The following QSER1 variants were observed in gnomAD, a reference collection of about 807,000 sequenced individuals.
QSER1 encodes the protein glutamine and serine-rich protein 1.
QSER1 carries 49 observed loss-of-function variants against 158.5 expected under a neutral mutation model. The observed-to-expected ratio is 0.31, with a 90% CI of 0.25 to 0.39. The LOEUF (loss-of-function observed/expected upper bound fraction) is 0.39, where lower values mean the gene tolerates loss of function less well. QSER1 is among the 10% of genes least tolerant of loss of function. The pLI is 1.00. For missense variants in QSER1, 1,754 were observed against 2,010.3 expected, an observed-to-expected ratio of 0.87 and a Z score of 2.44; for synonymous variants, 650 against 715.5, an observed-to-expected ratio of 0.91 and a Z score of 1.46.
chr11:32,920,900 G>T (rs1014264985), intron 1 of QSER1, among the ~76,000 whole-genome samples: 3 of 152,156 alleles, frequency 2.0e-5, no homozygotes, highest in Non-Finnish European at 2.9e-5. Flanking sequence ...TTGCTGGTGG[G>T]AATGTAAAAT....
Position 32,979,249 on chromosome 11 carries a change from T to G in QSER1, c.*2775T>G, listed in dbSNP as rs1853031833. On this transcript the variant is annotated 3_prime_UTR_variant, in exon 13 of 13. Transcript: ENST00000650167. Reference sequence around the variant, plus strand: ...TTGAAATTTATACTATAGAAATAACTTTAGGTTTTAGGTAGAGTTAAAGAG... The same window carrying G: ...TTGAAATTTATACTATAGAAATAACGTTAGGTTTTAGGTAGAGTTAAAGAG... 1 of 152,606 alleles carries G rather than the reference T, an allele frequency of 6.6e-6. No homozygotes were observed. Among genetic ancestry groups the G allele is most frequent in the African/African-American group, 2.4e-5 (1 of 41,446 alleles). The allele number at this position is 152,606 out of a possible 1,614,324, so 9.5% of individuals were successfully genotyped here.
intron 9 of QSER1, among the ~76,000 whole-genome samples, chr11:32,968,278 G>GT (rs964209795): frequency 4.0e-5 from 6 of 151,538 alleles, no homozygotes; most frequent in South Asian, 2.1e-4. Flanking sequence ...CTGGGTTGTT[G>GT]TTTTTTTTCA....
At position 32,934,070 on chromosome 11, in the gene QSER1, C is replaced by A; in HGVS notation, c.2812C>A (p.Leu938Ile). The A allele has an allele frequency of 6.2e-7, 1 of 1,613,964 alleles. No homozygotes were observed. The highest frequency in any genetic ancestry group is 8.5e-7 in the Non-Finnish European group (1 of 1,179,974). Residue 938 changes from leucine to isoleucine, a missense_variant, in exon 4 of 13, where the codon CTA (leucine) becomes ATA (isoleucine). Leu to Ile is a conservative substitution (Grantham distance 5). Coordinates refer to ENST00000650167, the MANE Select transcript of QSER1 (RefSeq NM_001076786.3). ...SESSKPLQQH[L>I]TTKGHFSETN... The stretch of plus-strand genomic sequence containing the variant: ...GTCTTCAAAACCATTACAACAACAT[C>A]TAACAACAAAGGGCCATTTTAGTGA...
chr11:32,941,389 C>A (rs930375046), intron 4 of QSER1, among the ~76,000 whole-genome samples: 2 of 126,248 alleles, frequency 1.6e-5, no homozygotes, highest in African/African-American at 2.9e-5. Flanking sequence ...CCCCCTCCAC[C>A]CCCCACAACA....
intron 4 of QSER1, among the ~76,000 whole-genome samples, chr11:32,945,876 A>G (rs989891040): frequency 7.9e-5 from 12 of 151,788 alleles, no homozygotes; most frequent in Middle Eastern, 3.4e-3. Flanking sequence ...AGGTACACCA[A>G]TCAGACGTAG....
chr11:32,970,771 A>C (rs550378100), intron 10 of QSER1, among the ~76,000 whole-genome samples: 2 of 152,094 alleles, frequency 1.3e-5, no homozygotes, highest in African/African-American at 2.4e-5. Context: ...GTGAAATACT[A>C]TATTTTGTGG....
chr11:32,934,679 A>G lies in QSER1; in HGVS notation c.3421A>G (p.Arg1141Gly). The G allele has an allele frequency of 6.2e-7, 1 of 1,613,886 alleles. No individual in the cohort carries two copies. Among genetic ancestry groups the G allele is most frequent in the Non-Finnish European group, 8.5e-7 (1 of 1,179,926 alleles). Residue 1141 changes from arginine (R) to glycine (G), a missense_variant, in exon 4 of 13, where the codon AGA becomes GGA. By Grantham distance (125) the Arg-to-Gly change is moderately radical. Transcript: ENST00000650167. ...AAACCAAGAGTTTGTTTCTAGTAGTAGAAGTATAAGTGGAGAGAATGCTAC... is the reference window on the plus strand; with the variant it reads ...AAACCAAGAGTTTGTTTCTAGTAGTGGAAGTATAAGTGGAGAGAATGCTAC... ...NRNQEFVSSS[R>G]SISGENATSE...
intron 12 of QSER1, chr11:32,975,567 T>A (rs1333733279): frequency 1.5e-6 from 2 of 1,364,108 alleles, no homozygotes; most frequent in African/African-American, 2.9e-5. Context: ...GAGCTATAAT[T>A]GGTAATGTTT....
rs1852963839 is a variant in QSER1, at chr11:32,975,670, C to G, written c.5454+327C>G. ...AGTGTATGATGATCTTGCTTTAATTCACTTCAGTCACTGCTTTGACATCTC... is the reference window on the plus strand; with the variant it reads ...AGTGTATGATGATCTTGCTTTAATTGACTTCAGTCACTGCTTTGACATCTC... On this transcript the variant is annotated intron_variant, in intron 12 of 12. Coordinates refer to ENST00000650167, the MANE Select transcript of QSER1 (RefSeq NM_001076786.3). 2.6e-6 allele frequency: 3 copies of G among 1,161,996 alleles called. No homozygotes were observed. The South Asian group carries it at 5.3e-5, about 20-fold the overall frequency. The allele number at this position is 1,161,996 out of a possible 1,614,324, so 72.0% of individuals were successfully genotyped here.
At chr11:32,976,200 A>T in intron 12 of QSER1, 134 bp from the exon 13 acceptor site, 1 of 739,506 alleles carries the variant, frequency 1.4e-6, no homozygotes. Flanking sequence ...AGAGGATGAG[A>T]TCTCACCCAA....
chr11:32,951,655 AATTT>A (rs1852424268), intron 4 of QSER1, among the ~76,000 whole-genome samples: 1 of 152,100 alleles, frequency 6.6e-6, no homozygotes, highest in Non-Finnish European at 1.5e-5. Context: ...TCTTTTGTTA[AATTT>A]ATTCCTAAAT....
At position 32,932,870 on chromosome 11, in the gene QSER1, A is replaced by C. The variant is rs75289099; in HGVS notation, c.1612A>C (p.Asn538His). 1.2e-6 allele frequency: 2 copies of C among 1,614,126 alleles called. No individual in the cohort carries two copies. Among genetic ancestry groups the C allele is most frequent in the Non-Finnish European group, 1.7e-6 (2 of 1,179,996 alleles). The part of the protein sequence containing the change: ...QEVLSSVTNE[N>H]YPAQTRDLSS... ...GGTATTGTCTTCAGTTACAAATGAG[A>C]ATTACCCTGCTCAAACAAGAGATCT... The change falls in exon 4 of 13, where the codon AAT (asparagine) becomes CAT (histidine). Residue 538 changes from asparagine to histidine, a missense_variant. Asn to His is a moderately conservative substitution (Grantham distance 68). Around this residue, in one of 2 missense-constraint regions of QSER1, gnomAD observed 1,707 missense variants for 1,919.6 expected, o/e 0.89. Transcript: ENST00000650167.
chr11:32,916,498 C>T (rs1008554017), intron 1 of QSER1, among the ~76,000 whole-genome samples: 9 of 152,000 alleles, frequency 5.9e-5, no homozygotes, highest in Non-Finnish European at 8.8e-5. Flanking sequence ...AGAAATGTGT[C>T]GTTAGGTAAT....
intron 10 of QSER1, 33 bp downstream of exon 10, chr11:32,969,176 C>T (rs1387769121): frequency 1.7e-6 from 2 of 1,185,888 alleles, no homozygotes; most frequent in South Asian, 1.3e-5. Context: ...TAGCAAAACT[C>T]AATGGCAGTC....
chr11:32,978,395 G>C lies in QSER1; in HGVS notation c.*1921G>C, dbSNP rs1853013250. On this transcript the variant is annotated 3_prime_UTR_variant, in exon 13 of 13. Coordinates refer to ENST00000650167, the MANE Select transcript of QSER1 (RefSeq NM_001076786.3). Reference sequence around the variant, plus strand: ...ATGTCTTTCGTTTCCAAAGTGCAGAGTAGGGAACTACATTTCCTAATGTGG... The same window carrying C: ...ATGTCTTTCGTTTCCAAAGTGCAGACTAGGGAACTACATTTCCTAATGTGG... The C allele has an allele frequency of 6.6e-6, 1 of 152,180 alleles. No homozygotes were observed. Among genetic ancestry groups the C allele is most frequent in the Non-Finnish European group, 1.5e-5 (1 of 68,028 alleles). 9.4% of individuals were successfully genotyped at this position (152,180 alleles called of 1,614,324 possible).
intron 3 of QSER1, among the ~76,000 whole-genome samples, chr11:32,930,553 A>C (rs371399079): frequency 3.0e-4 from 45 of 152,314 alleles, no homozygotes; most frequent in African/African-American, 9.9e-4. Flanking sequence ...TAAAGTGGAA[A>C]GTGATAGTTC....
intron 4 of QSER1, among the ~76,000 whole-genome samples, chr11:32,937,637 A>G (rs1162183798): frequency 6.6e-6 from 1 of 152,192 alleles, no homozygotes; most frequent in Non-Finnish European, 1.5e-5. Context: ...CCACATTGTC[A>G]ACAGATTCAA....
chr11:32,906,336 C>G lies in QSER1; in HGVS notation c.209+13002C>G, dbSNP rs527718974. On this transcript the variant is annotated intron_variant, in intron 1 of 12. Coordinates refer to ENST00000650167, the MANE Select transcript of QSER1 (RefSeq NM_001076786.3). ...ACTTGGGAGGCTGAGGCAGGAGAAT[C>G]GCTTGAACCTAGGAGGCAGAGGTTG... is the stretch of plus-strand genomic sequence containing the variant. Among the ~76,000 whole-genome samples, 23 of 152,092 alleles carry G rather than the reference C, an allele frequency of 1.5e-4. No homozygotes were observed. The South Asian group carries it at 4.6e-3, about 30-fold the overall frequency.
intron 1 of QSER1, among the ~76,000 whole-genome samples, chr11:32,910,411 C>T (rs1452764646): frequency 6.6e-6 from 1 of 152,150 alleles, no homozygotes; most frequent in East Asian, 1.9e-4. Context: ...TTGCTCATTG[C>T]CTGGTACATA....
Sources: gnomAD v4.1 joint callset for allele counts (sites outside exome capture counted in the v4.1 genomes callset) on GRCh38, gnomAD v4.1.1 for gene constraint, gnomAD v4.1.1 regional missense constraint, MANE v1.5 for transcripts, NCBI Gene and HGNC (gene_info 2026-07-23, HGNC 2026-07-21) for gene names.